The following NDUFB6 variants were observed in gnomAD, a reference collection of about 807,000 sequenced individuals.
The protein encoded by NDUFB6 is NADH dehydrogenase [ubiquinone] 1 beta subcomplex subunit 6.
NDUFB6 carries 23 observed loss-of-function variants against 17.5 expected under a neutral mutation model. The ratio of observed to expected loss-of-function variants is 1.31; its 90% confidence interval spans 0.94 to 1.86. NDUFB6 has a LOEUF of 1.86. Ranked by LOEUF, NDUFB6 falls within the 40% of genes most tolerant of loss-of-function variation. NDUFB6 has a pLI of 0.00. For missense variants in NDUFB6, 167 were observed against 153.8 expected (o/e 1.09, Z -0.46); for synonymous variants, 60 against 53.5 (o/e 1.12, Z -0.53).
At chr9:32,558,267 A>G (rs1215586695) in intron 3 of NDUFB6, among the ~76,000 whole-genome samples, 1 of 151,862 alleles carries the variant, frequency 6.6e-6, no homozygotes, top group Non-Finnish European at 1.5e-5. Context: ...GCCCGCCACC[A>G]CGCCCAGCTA....
intron 3 of NDUFB6, among the ~76,000 whole-genome samples, chr9:32,558,377 C>T (rs946802344): frequency 6.6e-6 from 1 of 152,152 alleles, no homozygotes; most frequent in African/African-American, 2.4e-5. Context: ...TCCCAAAGTG[C>T]TGGGATTACA....
intron 2 of NDUFB6, chr9:32,566,697 T>C (rs1821801216): frequency 1.8e-5 from 15 of 830,652 alleles, no homozygotes; most frequent in South Asian, 1.7e-4. Flanking sequence ...GTATCTCAGA[T>C]AGCCAGACTT....
At chr9:32,568,942 G>A (rs1821881905) in intron 2 of NDUFB6, among the ~76,000 whole-genome samples, 1 of 151,318 alleles carries the variant, frequency 6.6e-6, no homozygotes, top group Non-Finnish European at 1.5e-5. Context: ...GTAGAGACAG[G>A]GTCTCACCAT....
rs1186216398 is a variant in NDUFB6 at position 32,572,935 on chromosome 9, A to G, written c.126T>C (p.Pro42=). 1 of 1,608,214 alleles carries G rather than the reference A, an allele frequency of 6.2e-7. No homozygotes were observed. The highest frequency in any genetic ancestry group is 8.5e-7 in the Non-Finnish European group (1 of 1,177,152). ...EPVLPPQKMG[P]MEKFWNKFLE... is the part of the protein sequence containing the mutation. ...AAAATTTATTCCAGAATTTCTCCAT[A>G]GGCCCCATCTTCTGTGGGGGCAGCA... Residue 42 remains proline, a synonymous_variant, in exon 1 of 4, where the codon CCT becomes CCC. Transcript: ENST00000379847.
In NDUFB6 at chr9:32,563,491, C is replaced by CTTTTTTTTTTTTTTTTTTTTTTTT. The variant is rs111646430; in HGVS notation, c.274-4538_274-4537insAAAAAAAAAAAAAAAAAAAAAAAA. ...CTCCTGAACAGGTGGGACTATTGGG[C>CTTTTTTTTTTTTTTTTTTTTTTTT]TTTTTTTTTTTTTGGAGGGATGGGG... On this transcript the variant is annotated intron_variant, in intron 2 of 3. Coordinates refer to ENST00000379847, the MANE Select transcript of NDUFB6 (RefSeq NM_002493.5). Among the ~76,000 whole-genome samples, 35 of 91,994 alleles carry CTTTTTTTTTTTTTTTTTTTTTTTT rather than the reference C, an allele frequency of 3.8e-4. 5 individuals carry two copies. Among genetic ancestry groups the CTTTTTTTTTTTTTTTTTTTTTTTT allele is most frequent in the African/African-American group, 1.4e-3 (32 of 22,588 alleles). The allele number at this position is 91,994 out of a possible 152,430, so 60.4% of individuals were successfully genotyped here.
At chr9:32,559,215 C>T (rs1821560013) in intron 2 of NDUFB6, among the ~76,000 whole-genome samples, 1 of 152,120 alleles carries the variant, frequency 6.6e-6, no homozygotes, top group African/African-American at 2.4e-5. Context: ...CTCTTATTCC[C>T]CCAGTTATGA....
intron 2 of NDUFB6, among the ~76,000 whole-genome samples, chr9:32,569,159 TCATA>T (rs1821887033): frequency 1.3e-5 from 2 of 152,184 alleles, no homozygotes; most frequent in African/African-American, 4.8e-5. Context: ...AGCAAAAAGA[TCATA>T]CATAGTCACT....
At chr9:32,569,731 C>T (rs908488955) in intron 2 of NDUFB6, among the ~76,000 whole-genome samples, 1 of 152,170 alleles carries the variant, frequency 6.6e-6, no homozygotes, top group African/African-American at 2.4e-5. Flanking sequence ...TTGCCCAAGC[C>T]GGTCGAACTT....
Position 32,553,729 on chromosome 9 carries a change from C to A in NDUFB6, c.*147G>T. 1 of 591,544 alleles carries A rather than the reference C, an allele frequency of 1.7e-6. No homozygotes were observed. 36.6% of individuals were successfully genotyped at this position (591,544 alleles called of 1,614,324 possible). A position where few individuals can be genotyped will look rare whatever the true frequency, so the allele number is the denominator to read the frequency against. ...ACTTTTTACTTATTGTTAAATTACT[C>A]AGTCTCAAATTGTACAATGCTTGAA... On this transcript the variant is annotated 3_prime_UTR_variant, in exon 4 of 4. Coordinates refer to ENST00000379847, the MANE Select transcript of NDUFB6 (RefSeq NM_002493.5).
At chr9:32,557,352 A>G (rs1465619802) in intron 3 of NDUFB6, among the ~76,000 whole-genome samples, 1 of 150,226 alleles carries the variant, frequency 6.7e-6, no homozygotes, top group African/African-American at 2.5e-5. Flanking sequence ...TTTTTTTAGT[A>G]CAGATGGTGT....
rs775137280 is a variant in NDUFB6, at chr9:32,573,074, C to T, written c.-14G>A. On this transcript the variant is annotated 5_prime_UTR_variant, in exon 1 of 4. Transcript: ENST00000379847. ...GTACCCCGTCATGTCGCCGCTGGTA[C>T]CAACGCAAAAGGACACGGCGCACCC... The T allele has an allele frequency of 3.2e-6, 5 of 1,543,316 alleles. No individual in the cohort carries two copies. The highest frequency in any genetic ancestry group is 2.8e-5 in the African/African-American group (2 of 72,030).
chr9:32,568,981 C>A (rs1821882557), intron 2 of NDUFB6, among the ~76,000 whole-genome samples: 1 of 151,638 alleles, frequency 6.6e-6, no homozygotes, highest in Non-Finnish European at 1.5e-5. Context: ...GAACTCCTGA[C>A]CTCGTGATCC....
At position 32,573,154 on chromosome 9, in the gene NDUFB6, G is replaced by A. The variant is rs553788929; in HGVS notation, c.-94C>T. ...CTCCCGCTCTGCAAAGCGACCTTGC[G>A]GGAACGCCGAGCGCCGCGCGCGGTT... On this transcript the variant is annotated 5_prime_UTR_variant, in exon 1 of 4. Coordinates refer to ENST00000379847, the MANE Select transcript of NDUFB6 (RefSeq NM_002493.5). The A allele has an allele frequency of 1.3e-5, 18 of 1,341,466 alleles. No homozygotes were observed. The highest frequency in any genetic ancestry group is 1.7e-5 in the Non-Finnish European group (17 of 1,017,870). The allele number at this position is 1,341,466 out of a possible 1,614,324, so 83.1% of individuals were successfully genotyped here.
rs978599251 is a variant in NDUFB6 at position 32,566,758 on chromosome 9, G to C, written c.273+4202C>G. The C allele has an allele frequency of 5.5e-6, 5 of 906,000 alleles. No individual in the cohort carries two copies. The African/African-American group carries it at 8.1e-5, about 15-fold the overall frequency. 56.1% of individuals were successfully genotyped at this position (906,000 alleles called of 1,614,324 possible). A position where few individuals can be genotyped will look rare whatever the true frequency, so the allele number is the denominator to read the frequency against. ...TCAAACCACAGCGGGTCCTCAGCCC[G>C]GGTGTCGGCTGCGACGTTCTGGCTG... is the stretch of plus-strand genomic sequence containing the variant. On this transcript the variant is annotated intron_variant, in intron 2 of 3. Coordinates refer to ENST00000379847, the MANE Select transcript of NDUFB6 (RefSeq NM_002493.5).
At chr9:32,567,059 C>A (rs1204016142) in intron 2 of NDUFB6, 1 of 494,048 alleles carries the variant, frequency 2.0e-6, no homozygotes, top group South Asian at 1.5e-5. Context: ...GCAGCTCCTG[C>A]CCGCCATGCC....
Position 32,572,779 on chromosome 9 carries a change from G to A in NDUFB6, c.180+102C>T, listed in dbSNP as rs1302630796. On this transcript the variant is annotated intron_variant, in intron 1 of 3. Coordinates refer to ENST00000379847, the MANE Select transcript of NDUFB6 (RefSeq NM_002493.5). Reference sequence around the variant, plus strand: ...TGGCCAGTGTCCCAGAGCACTGAGCGTTATCAGTCCTTGGTGTGGCTGCAG... The same window carrying A: ...TGGCCAGTGTCCCAGAGCACTGAGCATTATCAGTCCTTGGTGTGGCTGCAG... The A allele has an allele frequency of 4.5e-6, 5 of 1,104,994 alleles. No homozygotes were observed. The African/African-American group carries it at 8.0e-5, about 18-fold the overall frequency. 68.4% of individuals were successfully genotyped at this position (1,104,994 alleles called of 1,614,324 possible).
chr9:32,569,017 A>AG (rs1406162896), intron 2 of NDUFB6, among the ~76,000 whole-genome samples: 1 of 150,694 alleles, frequency 6.6e-6, no homozygotes, highest in African/African-American at 2.4e-5. Context: ...CCAAAGTGGT[A>AG]GGATTACAGG....
At chr9:32,559,673 A>G (rs1424639816) in intron 2 of NDUFB6, among the ~76,000 whole-genome samples, 4 of 152,192 alleles carry the variant, frequency 2.6e-5, no homozygotes, top group Admixed American at 1.3e-4. Context: ...TTTGTCTTCA[A>G]AGATCACTTC....
intron 1 of NDUFB6, among the ~76,000 whole-genome samples, chr9:32,571,559 C>T (rs767341580): frequency 3.9e-5 from 6 of 152,130 alleles, no homozygotes; most frequent in Non-Finnish European, 5.9e-5. Context: ...GTCCCAAACT[C>T]ACTCCAAAAT....
Sources: gnomAD v4.1 joint callset for allele counts (sites outside exome capture counted in the v4.1 genomes callset) on GRCh38, gnomAD v4.1.1 for gene constraint, MANE v1.5 for transcripts, NCBI Gene and HGNC (gene_info 2026-07-23, HGNC 2026-07-21) for gene names.